Variants in TRPM6 observed in about 807,000 individuals in gnomAD.
TRPM6 encodes the protein channel kinase 2.
TRPM6 carries 111 observed loss-of-function variants against 247.6 expected under a neutral mutation model. The observed-to-expected ratio is 0.45, with a 90% CI of 0.38 to 0.52. TRPM6 has a LOEUF of 0.52. Among genes scored for constraint, TRPM6 ranks in the 20% least tolerant of loss-of-function variants. The pLI is 0.00. For missense variants in TRPM6, 2,126 were observed against 2,421.5 expected, an observed-to-expected ratio of 0.88 and a Z score of 2.56; for synonymous variants, 892 against 853.8, an observed-to-expected ratio of 1.04 and a Z score of -0.78.
intron 36 of TRPM6, among the ~76,000 whole-genome samples, chr9:74,733,611 A>C (rs1825597343): frequency 6.6e-6 from 1 of 152,230 alleles, no homozygotes; most frequent in South Asian, 2.1e-4. Flanking sequence ...CAAACCAATT[A>C]TGTCATCTGT....
intron 37 of TRPM6, among the ~76,000 whole-genome samples, chr9:74,729,237 TTAAA>T (rs1347073149): frequency 2.0e-5 from 3 of 152,212 alleles, no homozygotes; most frequent in Admixed American, 6.5e-5. Flanking sequence ...ATTACCGCTC[TTAAA>T]TACCACGTCT....
chr9:74,845,866 C>T (rs1372461723), intron 3 of TRPM6, among the ~76,000 whole-genome samples: 2 of 151,976 alleles, frequency 1.3e-5, no homozygotes, highest in Non-Finnish European at 2.9e-5. Context: ...TCATTTTATG[C>T]ATTATCTACA....
intron 28 of TRPM6, among the ~76,000 whole-genome samples, chr9:74,752,651 C>T (rs996287649): frequency 2.0e-5 from 3 of 152,190 alleles, no homozygotes; most frequent in Non-Finnish European, 4.4e-5. Context: ...AAACTGTCCT[C>T]TTATAGGACA....
intron 25 of TRPM6, among the ~76,000 whole-genome samples, chr9:74,766,828 T>C (rs1402650246): frequency 6.6e-6 from 1 of 151,842 alleles, no homozygotes; most frequent in Non-Finnish European, 1.5e-5. Context: ...GAGAATCACC[T>C]GAACCCAGGG....
At chr9:74,849,035 C>T (rs75409019) in intron 3 of TRPM6, among the ~76,000 whole-genome samples, 2,771 of 152,212 alleles carry the variant, frequency 0.018, 74 homozygotes, top group African/African-American at 0.062. Flanking sequence ...AATGTGACTG[C>T]ATTAATTACC....
In TRPM6 at chr9:74,754,546, C is replaced by A. The variant is rs897517770; in HGVS notation, c.4906+807G>T. ...TGTCCCACGGGGAAAGTGAAGGGAA[C>A]GTGTAAAATCACCCCTTGGTTGAGA... On this transcript the variant is annotated intron_variant, in intron 28 of 38. Transcript: ENST00000360774. Among the ~76,000 whole-genome samples, 8 of 152,274 alleles carry A rather than the reference C, an allele frequency of 5.3e-5. No homozygotes were observed. In the East Asian group the frequency reaches 1.3e-3, roughly 26 times the overall value.
intron 13 of TRPM6, among the ~76,000 whole-genome samples, chr9:74,809,308 C>T (rs1828642333): frequency 6.6e-6 from 1 of 152,192 alleles, no homozygotes; most frequent in Non-Finnish European, 1.5e-5. Flanking sequence ...TTGCACCTTA[C>T]TACCTCTTCA....
At position 74,762,360 on chromosome 9, in the gene TRPM6, G is replaced by A; in HGVS notation, c.4311C>T (p.Ser1437=). The change falls in exon 26 of 39, where the codon AGC becomes AGT. Residue 1437 remains serine, a synonymous_variant. Coordinates refer to ENST00000360774, the MANE Select transcript of TRPM6 (RefSeq NM_017662.5). ...LSCTPEPMTM[S]SPLSQAKIMQ... ...TGATCTTGGCTTGGGAAAGAGGGGA[G>A]CTCATTGTCATGGGTTCAGGTGTGC... 1 of 1,614,216 alleles carries A rather than the reference G, an allele frequency of 6.2e-7. No individual in the cohort carries two copies. Among genetic ancestry groups the A allele is most frequent in the Non-Finnish European group, 8.5e-7 (1 of 1,180,046 alleles).
chr9:74,841,788 A>C (rs1564042348), intron 4 of TRPM6, among the ~76,000 whole-genome samples: 1 of 152,218 alleles, frequency 6.6e-6, no homozygotes, highest in Non-Finnish European at 1.5e-5. Flanking sequence ...TACAGGTGTG[A>C]GCCAACGTGC....
chr9:74,759,269 T>C (rs1826541637), intron 27 of TRPM6, among the ~76,000 whole-genome samples: 1 of 151,632 alleles, frequency 6.6e-6, no homozygotes, highest in Non-Finnish European at 1.5e-5. Flanking sequence ...ATTCTAAATT[T>C]ATATGGAAAT....
intron 27 of TRPM6, among the ~76,000 whole-genome samples, chr9:74,759,394 A>G (rs1012538326): frequency 6.6e-6 from 1 of 152,192 alleles, no homozygotes; most frequent in Non-Finnish European, 1.5e-5. Context: ...TGGCATAGAG[A>G]TAGAAATTGA....
chr9:74,785,700 T>C (rs2118942171), intron 21 of TRPM6, among the ~76,000 whole-genome samples, 174 bp downstream of exon 21: 1 of 152,214 alleles, frequency 6.6e-6, no homozygotes, highest in Middle Eastern at 3.4e-3. Flanking sequence ...TTTTTTTGTA[T>C]TTTTAGTAGA....
At chr9:74,780,852 T>A (rs1034083168) in intron 23 of TRPM6, among the ~76,000 whole-genome samples, 5 of 152,230 alleles carry the variant, frequency 3.3e-5, no homozygotes, top group African/African-American at 9.7e-5. Context: ...ACTTAGTTTT[T>A]GGTGTAAACA....
At chr9:74,800,140 A>G in intron 17 of TRPM6, 114 bp downstream of exon 17, 1 of 980,990 alleles carries the variant, frequency 1.0e-6, no homozygotes, top group South Asian at 1.4e-5. Flanking sequence ...ATGAGCTCTC[A>G]AATATATTAA....
chr9:74,736,033 G>T (rs897212203), intron 36 of TRPM6, among the ~76,000 whole-genome samples: 1 of 152,214 alleles, frequency 6.6e-6, no homozygotes, highest in Admixed American at 6.5e-5. Context: ...GGACCACACA[G>T]CTGAGGGCGG....
intron 6 of TRPM6, among the ~76,000 whole-genome samples, chr9:74,832,124 A>G (rs78894996): frequency 0.014 from 2,137 of 152,314 alleles, 55 homozygotes; most frequent in African/African-American, 0.049. Flanking sequence ...ATACCTCTCA[A>G]TCAAACTACC....
Position 74,782,870 on chromosome 9 carries a change from T to A in TRPM6, c.2920-17A>T. The A allele has an allele frequency of 1.2e-6, 2 of 1,613,438 alleles. No homozygotes were observed. Among genetic ancestry groups the A allele is most frequent in the Non-Finnish European group, 1.7e-6 (2 of 1,179,488 alleles). ...GTTTGCTGTCTGCAAAAGAGCATAG[T>A]ACAACCAGAATTTTACCACAGATTT... On this transcript the variant is annotated splice_polypyrimidine_tract_variant and intron_variant, in intron 21 of 38. Coordinates refer to ENST00000360774, the MANE Select transcript of TRPM6 (RefSeq NM_017662.5).
intron 1 of TRPM6, chr9:74,875,260 G>A: frequency 2.2e-6 from 1 of 455,166 alleles, no homozygotes; most frequent in Non-Finnish European, 4.4e-6. Flanking sequence ...ACTTGAAGGA[G>A]GGCTGGGTGT....
intron 21 of TRPM6, among the ~76,000 whole-genome samples, chr9:74,784,349 G>C (rs978409479): frequency 2.0e-5 from 3 of 152,084 alleles, no homozygotes; most frequent in African/African-American, 7.2e-5. Context: ...CTGGAGCTAG[G>C]TGGCCCAATT....
Sources: gnomAD v4.1 joint callset for allele counts (sites outside exome capture counted in the v4.1 genomes callset) on GRCh38, gnomAD v4.1.1 for gene constraint, MANE v1.5 for transcripts, NCBI Gene and HGNC (gene_info 2026-07-23, HGNC 2026-07-21) for gene names.